The following IFT80 variants were observed in gnomAD, a reference collection of about 807,000 sequenced individuals.
IFT80 encodes the protein intraflagellar transport 80.
In IFT80, 79 loss-of-function variants were observed where a neutral mutation model predicts 107.9. The observed-to-expected ratio is 0.73, with a 90% CI of 0.61 to 0.88. The LOEUF (loss-of-function observed/expected upper bound fraction) is 0.88, where lower values mean the gene tolerates loss of function less well. Among genes scored for constraint, IFT80 ranks in the 40% least tolerant of loss-of-function variants. The pLI is 0.00. For synonymous variants in IFT80, 299 were observed against 300.9 expected (o/e 0.99, Z 0.07); for missense variants, 797 against 914.2 (o/e 0.87, Z 1.65).
intron 19 of IFT80, among the ~76,000 whole-genome samples, chr3:160,265,853 T>A (rs1010093777): frequency 6.6e-6 from 1 of 152,182 alleles, no homozygotes; most frequent in African/African-American, 2.4e-5. Flanking sequence ...TATTTAACTC[T>A]TAGTTCTGAA....
chr3:160,316,763 G>T (rs1289491723), intron 9 of IFT80, among the ~76,000 whole-genome samples: 1 of 152,054 alleles, frequency 6.6e-6, no homozygotes, highest in Non-Finnish European at 1.5e-5. Flanking sequence ...CCAAGGCTGA[G>T]ATTTCTCCTG....
At position 160,305,159 on chromosome 3, in the gene IFT80, C is replaced by T. The variant is rs559582393; in HGVS notation, c.1077-1170G>A. On this transcript the variant is annotated intron_variant, in intron 10 of 19. Transcript: ENST00000326448. The stretch of plus-strand genomic sequence containing the variant: ...ACAGTTTAAAATAAGTTTTATTACT[C>T]CTATATATTCTGAATTTCTCAGTAA... Among the ~76,000 whole-genome samples, 20 of 152,200 alleles carry T rather than the reference C, an allele frequency of 1.3e-4. No individual in the cohort carries two copies. The South Asian group carries it at 3.5e-3, about 27-fold the overall frequency.
chr3:160,277,774 A>C, intron 16 of IFT80, 104 bp from the exon 17 acceptor site: 1 of 785,186 alleles, frequency 1.3e-6, no homozygotes, highest in Non-Finnish European at 2.1e-6. Flanking sequence ...TAATTTAAAA[A>C]ATAAAAATTA....
chr3:160,362,310 TC>T lies in IFT80; in HGVS notation c.549+3732del, dbSNP rs577552340. On this transcript the variant is annotated intron_variant, in intron 6 of 19. Transcript: ENST00000326448. ...GATTAACTCCTGGACACATATGCCC[TC>T]CCAAGACTAAACCAGGAAGAAGTTG... Among the ~76,000 whole-genome samples the T allele has an allele frequency of 2.5e-3, 384 of 152,242 alleles. 1 individual carries two copies. Among genetic ancestry groups the T allele is most frequent in the African/African-American group, 8.4e-3 (349 of 41,540 alleles).
intron 3 of IFT80, among the ~76,000 whole-genome samples, chr3:160,380,007 G>A (rs11929258): frequency 0.043 from 6,520 of 150,532 alleles, 447 homozygotes; most frequent in African/African-American, 0.14. Context: ...GGCTGGATAC[G>A]CTCAATCAGT....
intron 12 of IFT80, among the ~76,000 whole-genome samples, 169 bp from the exon 13 acceptor site, chr3:160,286,037 C>G (rs901797784): frequency 6.6e-6 from 1 of 151,932 alleles, no homozygotes; most frequent in Admixed American, 6.6e-5. Flanking sequence ...CTTATGAAAA[C>G]AATAAAACTG....
At chr3:160,350,155 C>A (rs531812973) in intron 8 of IFT80, among the ~76,000 whole-genome samples, 98 of 152,120 alleles carry the variant, frequency 6.4e-4, no homozygotes, top group African/African-American at 2.2e-3. Context: ...TGGCTCATGC[C>A]TGTAATCCTA....
chr3:160,397,967 T>G (rs1470038945), intron 1 of IFT80, among the ~76,000 whole-genome samples: 1 of 152,076 alleles, frequency 6.6e-6, no homozygotes, highest in Non-Finnish European at 1.5e-5. Context: ...GTGATCCGCA[T>G]AGTTGATACC....
chr3:160,374,572 C>T (rs1290080526), intron 5 of IFT80, among the ~76,000 whole-genome samples: 1 of 152,138 alleles, frequency 6.6e-6, no homozygotes, highest in African/African-American at 2.4e-5. Context: ...TCAGCTGCTG[C>T]ACACTGTCTC....
intron 3 of IFT80, among the ~76,000 whole-genome samples, chr3:160,378,922 G>T (rs190297262): frequency 6.6e-6 from 1 of 152,198 alleles, no homozygotes; most frequent in Admixed American, 6.5e-5. Flanking sequence ...AAATGACTCA[G>T]CCAAGAGTCA....
intron 10 of IFT80, among the ~76,000 whole-genome samples, 196 bp from the exon 11 acceptor site, chr3:160,304,185 T>G (rs978814602): frequency 5.3e-5 from 8 of 152,006 alleles, no homozygotes; most frequent in African/African-American, 1.9e-4. Flanking sequence ...AAGCAGAGAC[T>G]CTGTATTCCC....
intron 8 of IFT80, among the ~76,000 whole-genome samples, chr3:160,322,671 A>G (rs1718339055): frequency 6.6e-6 from 1 of 151,896 alleles, no homozygotes; most frequent in Admixed American, 6.6e-5. Context: ...AAGTGTTCCT[A>G]TTTCTCCACA....
chr3:160,280,161 T>C (rs1259609183), intron 15 of IFT80, among the ~76,000 whole-genome samples: 1 of 152,172 alleles, frequency 6.6e-6, no homozygotes, highest in East Asian at 1.9e-4. Context: ...TGCTATTTCT[T>C]AGAGAATTTA....
chr3:160,382,844 T>G (rs1254610801), intron 2 of IFT80, among the ~76,000 whole-genome samples: 1 of 152,128 alleles, frequency 6.6e-6, no homozygotes, highest in East Asian at 1.9e-4. Flanking sequence ...TACAATAGAT[T>G]AAGCAGAAAC....
chr3:160,368,564 C>T (rs1169398681), intron 5 of IFT80, among the ~76,000 whole-genome samples: 1 of 151,770 alleles, frequency 6.6e-6, no homozygotes, highest in Admixed American at 6.6e-5. Context: ...GGAATATTCT[C>T]TGGGAGTAGC....
intron 18 of IFT80, among the ~76,000 whole-genome samples, chr3:160,269,323 A>C (rs1165242753): frequency 6.6e-6 from 1 of 152,132 alleles, no homozygotes. Flanking sequence ...GACCATTTTC[A>C]TAAGTCTATA....
intron 1 of IFT80, among the ~76,000 whole-genome samples, chr3:160,396,221 C>G (rs1713766534): frequency 6.6e-6 from 1 of 152,012 alleles, no homozygotes; most frequent in Non-Finnish European, 1.5e-5. Context: ...GTTTCGGTAA[C>G]ATTAATATAC....
intron 9 of IFT80, among the ~76,000 whole-genome samples, chr3:160,313,065 A>ATTATATATATTTTATATAATATATATT (rs1717530204): frequency 9.6e-6 from 1 of 104,396 alleles, no homozygotes; most frequent in African/African-American, 3.7e-5. Flanking sequence ...TATAATATAT[A>ATTATATATATTTTATATAATATATATT]TTATATATAT....
intron 19 of IFT80, among the ~76,000 whole-genome samples, chr3:160,264,094 G>A (rs1052298328): frequency 6.6e-6 from 1 of 151,422 alleles, no homozygotes; most frequent in Non-Finnish European, 1.5e-5. Flanking sequence ...GAGCCACTGC[G>A]CATAGCCAGG....
Sources: gnomAD v4.1 joint callset for allele counts (sites outside exome capture counted in the v4.1 genomes callset) on GRCh38, gnomAD v4.1.1 for gene constraint, MANE v1.5 for transcripts, NCBI Gene and HGNC (gene_info 2026-07-23, HGNC 2026-07-21) for gene names.